CACNA1A: variants seen among roughly 807,000 people sequenced by gnomAD.
The protein encoded by CACNA1A is voltage-dependent P/Q-type calcium channel subunit alpha-1A.
In CACNA1A, 57 loss-of-function variants were observed where a neutral mutation model predicts 262.4. The observed-to-expected ratio is 0.22, with a 90% confidence interval of 0.18 to 0.27. CACNA1A has a LOEUF of 0.27. Among genes scored for constraint, CACNA1A ranks in the 10% least tolerant of loss-of-function variants. The probability of loss-of-function intolerance (pLI) is 1.00; values close to 1 mark genes in which losing one functional copy is unlikely to be tolerated. For missense variants in CACNA1A, 2,526 were observed against 3,562.8 expected (o/e 0.71, Z 7.41); for synonymous variants, 1,431 against 1,419.3 (o/e 1.01, Z -0.18).
Position 13,298,996 on chromosome 19 carries a change from T to A in CACNA1A, c.2637A>T (p.Ala879=), listed in dbSNP as rs769765247. ...RDPSGSAGLD[A]RRPWAGSQEA... ...CCTGGCTTCCCGCCCAGGGCCTCCG[T>A]GCGTCCAGGCCCGCCGAGCCGCTGG... is the stretch of plus-strand genomic sequence containing the variant. The change falls in exon 19 of 47, where the codon GCA becomes GCT. Residue 879 remains alanine (A), a synonymous_variant. Coordinates refer to ENST00000360228, the MANE Select transcript of CACNA1A (RefSeq NM_001127222.2). The A allele has an allele frequency of 2.5e-6, 4 of 1,577,876 alleles. No homozygotes were observed.
At position 13,212,666 on chromosome 19, in the gene CACNA1A, G is replaced by A. The variant is rs369675855; in HGVS notation, c.6015C>T (p.Ala2005=). ...CTGGGTCCAGCTGGGTGGAGGGGAGGGCGTTCTGGCCAGGTCCCCCTTCCT... is the reference window on the plus strand; with the variant it reads ...CTGGGTCCAGCTGGGTGGAGGGGAGAGCGTTCTGGCCAGGTCCCCCTTCCT... ...PTQEGGPGQN[A]LPSTQLDPGG... is the part of the protein sequence containing the mutation. Residue 2005 remains alanine, a synonymous_variant, in exon 41 of 47, where the codon GCC becomes GCT. Coordinates refer to ENST00000360228, the MANE Select transcript of CACNA1A (RefSeq NM_001127222.2). This position sits in a 1 kb window ranked among gnomAD's most constrained non-coding sequence, Gnocchi z 5.6. 13 of 1,515,640 alleles carry A rather than the reference G, an allele frequency of 8.6e-6. No individual in the cohort carries two copies. The highest frequency in any genetic ancestry group is 2.7e-5 in the South Asian group (2 of 74,924). The allele number at this position is 1,515,640 out of a possible 1,614,324, so 93.9% of individuals were successfully genotyped here.
At chr19:13,395,287 A>G (rs948128693) in intron 3 of CACNA1A, among the ~76,000 whole-genome samples, 3 of 148,094 alleles carry the variant, frequency 2.0e-5, no homozygotes, top group Non-Finnish European at 4.5e-5. Context: ...AAAAAAAAAA[A>G]AAAGAAAAGA....
Position 13,286,523 on chromosome 19 carries a change from AGGGGGGGTGGGCAGGCT to A in CACNA1A, c.3516_3532del (p.Ala1173GlnfsTer37). 1.0e-6 allele frequency: 1 copy of A among 980,828 alleles called. No homozygotes were observed. Among genetic ancestry groups the A allele is most frequent in the Non-Finnish European group, 1.5e-6 (1 of 686,942 alleles). The allele number at this position is 980,828 out of a possible 1,614,324, so 60.8% of individuals were successfully genotyped here. On this transcript the variant is annotated frameshift_variant, in exon 20 of 47. Coordinates refer to ENST00000360228, the MANE Select transcript of CACNA1A (RefSeq NM_001127222.2). LOFTEE classifies it high-confidence loss of function. The stretch of plus-strand genomic sequence containing the variant: ...CTCACCTTGTACGACGGTGTGGTTG[AGGGGGGGTGGGCAGGCT>A]GGGGGGATGTCCACTGTGGTGTGGT...
At chr19:13,422,379 G>A (rs2060330641) in intron 3 of CACNA1A, among the ~76,000 whole-genome samples, 1 of 152,120 alleles carries the variant, frequency 6.6e-6, no homozygotes, top group Non-Finnish European at 1.5e-5. Context: ...TATGGGTCAA[G>A]GCCAGATGAC....
At chr19:13,434,159 GTTA>G (rs932534756) in intron 3 of CACNA1A, among the ~76,000 whole-genome samples, 5 of 152,126 alleles carry the variant, frequency 3.3e-5, no homozygotes, top group African/African-American at 7.2e-5. Context: ...TATTGTTGTT[GTTA>G]TTATTATTTT....
chr19:13,395,272 T>C (rs1599361177), intron 3 of CACNA1A, among the ~76,000 whole-genome samples: 1 of 47,546 alleles, frequency 2.1e-5, no homozygotes, highest in Non-Finnish European at 3.3e-5. Context: ...AGACTCCATC[T>C]CAAAAAAAAA....
chr19:13,424,632 C>T (rs931890306), intron 3 of CACNA1A, among the ~76,000 whole-genome samples: 2 of 151,628 alleles, frequency 1.3e-5, no homozygotes, highest in Admixed American at 6.6e-5. Flanking sequence ...ATCATGCACA[C>T]TAACTTATTT....
At chr19:13,429,750 G>A (rs1057362603) in intron 3 of CACNA1A, among the ~76,000 whole-genome samples, 2 of 151,742 alleles carry the variant, frequency 1.3e-5, no homozygotes, top group African/African-American at 4.8e-5. Flanking sequence ...TAAGCAAAGT[G>A]TGGTCCATCC....
At chr19:13,365,670 G>GTTT in intron 4 of CACNA1A, 23 of 460,134 alleles carry the variant, frequency 5.0e-5, no homozygotes, top group Non-Finnish European at 6.3e-5. Flanking sequence ...CACTTCCTAG[G>GTTT]TTTTTTTTTT....
chr19:13,266,478 A>C (rs1263119846), intron 24 of CACNA1A, among the ~76,000 whole-genome samples: 2 of 152,230 alleles, frequency 1.3e-5, no homozygotes, highest in Non-Finnish European at 2.9e-5. Flanking sequence ...TTGATGTCCC[A>C]AACAAGTGAC....
chr19:13,418,208 G>C (rs2060257564), intron 3 of CACNA1A, among the ~76,000 whole-genome samples: 1 of 152,086 alleles, frequency 6.6e-6, no homozygotes, highest in African/African-American at 2.4e-5. Flanking sequence ...TGTATGAAAA[G>C]TCCTTAGAAC....
At chr19:13,258,164 A>G (rs1568468904) in intron 27 of CACNA1A, 1 of 152,212 alleles carries the variant, frequency 6.6e-6, no homozygotes, top group Non-Finnish European at 1.5e-5. Flanking sequence ...CACTTTGCAC[A>G]TGAGGAACTT....
chr19:13,271,953 A>ACCATGTTGCCTG (rs2057032178), intron 24 of CACNA1A: 2 of 151,970 alleles, frequency 1.3e-5, no homozygotes, highest in Non-Finnish European at 2.9e-5. Context: ...TAGTAGAGAC[A>ACCATGTTGCCTG]GGGTTTTACC....
intron 10 of CACNA1A, among the ~76,000 whole-genome samples, chr19:13,327,392 G>A (rs1361626283): frequency 6.6e-6 from 1 of 151,362 alleles, no homozygotes; most frequent in Non-Finnish European, 1.5e-5. Context: ...CAAGCCACTG[G>A]CCTGGGTTTT....
chr19:13,419,617 C>T (rs187969276), intron 3 of CACNA1A, among the ~76,000 whole-genome samples: 2 of 152,212 alleles, frequency 1.3e-5, no homozygotes, highest in Non-Finnish European at 1.5e-5. Context: ...GTCGAGGCTG[C>T]AGTGAGCTGT....
At chr19:13,234,272 C>A (rs1442676496) in intron 34 of CACNA1A, among the ~76,000 whole-genome samples, 3 of 144,532 alleles carry the variant, frequency 2.1e-5, no homozygotes, top group Non-Finnish European at 4.5e-5. Context: ...ATGGCGTGAA[C>A]CCGGGAGGCG....
rs78001895 is a variant in CACNA1A at position 13,429,782 on chromosome 19, C to A, written c.539+23094G>T. ...ATCCACACAATGGAATACGATTCGG[C>A]CTGGAAAAGAAGGAAATTCTGACTC... On this transcript the variant is annotated intron_variant, in intron 3 of 46. Coordinates refer to ENST00000360228, the MANE Select transcript of CACNA1A (RefSeq NM_001127222.2). 9.2e-3 allele frequency among the ~76,000 whole-genome samples: 1,386 copies of A among 151,406 alleles called. 24 individuals are homozygous for A. Among genetic ancestry groups the A allele is most frequent in the African/African-American group, 0.032 (1,333 of 41,196 alleles).
chr19:13,317,806 T>C (rs1285494687), intron 10 of CACNA1A, among the ~76,000 whole-genome samples: 1 of 152,214 alleles, frequency 6.6e-6, no homozygotes, highest in Non-Finnish European at 1.5e-5. Flanking sequence ...TCTGCCTACA[T>C]ATAGTTTTGC....
chr19:13,267,129 TGAGAGAGAGAGA>T (rs146993344), intron 24 of CACNA1A, among the ~76,000 whole-genome samples: 2 of 149,280 alleles, frequency 1.3e-5, no homozygotes, highest in African/African-American at 4.9e-5. Context: ...AGACAGAATA[TGAGAGAGAGAGA>T]GAGAGAAAGA....
Sources: gnomAD v4.1 joint callset for allele counts (sites outside exome capture counted in the v4.1 genomes callset) on GRCh38, gnomAD v4.1.1 for gene constraint, Gnocchi (gnomAD v3.1) non-coding constraint, MANE v1.5 for transcripts, NCBI Gene and HGNC (gene_info 2026-07-23, HGNC 2026-07-21) for gene names.